Variants in TECRL observed in about 807,000 individuals in gnomAD.
TECRL encodes trans-2,3-enoyl-CoA reductase like.
A neutral mutation model predicts 52.8 loss-of-function variants in TECRL; 63 were observed. The ratio of observed to expected loss-of-function variants is 1.19; its 90% CI spans 0.97 to 1.47. The LOEUF is 1.47. Ranked by LOEUF, TECRL falls within the 40% of genes most tolerant of loss-of-function variation. The pLI, the probability that TECRL is intolerant of heterozygous loss-of-function variation, is 0.00. For missense variants in TECRL, 482 were observed against 429.6 expected, an observed-to-expected ratio of 1.12 and a Z score of -1.08; for synonymous variants, 164 against 141.9, an observed-to-expected ratio of 1.16 and a Z score of -1.10.
intron 2 of TECRL, among the ~76,000 whole-genome samples, chr4:64,355,949 T>G (rs1219566804): frequency 6.6e-6 from 1 of 152,104 alleles, no homozygotes; most frequent in Non-Finnish European, 1.5e-5. Context: ...GAAATTCCAT[T>G]TTGACCTGTA....
intron 8 of TECRL, among the ~76,000 whole-genome samples, chr4:64,295,755 CT>C (rs1200228294): frequency 1.3e-5 from 2 of 151,742 alleles, no homozygotes; most frequent in Non-Finnish European, 2.9e-5. Flanking sequence ...TAAATCATTA[CT>C]CTTATATTTC....
intron 2 of TECRL, among the ~76,000 whole-genome samples, chr4:64,360,030 T>C (rs1721061822): frequency 6.6e-6 from 1 of 152,182 alleles, no homozygotes; most frequent in South Asian, 2.1e-4. Flanking sequence ...AAAATTGTAT[T>C]CTTCTATATA....
chr4:64,312,003 A>G (rs928459026), intron 5 of TECRL, among the ~76,000 whole-genome samples: 1 of 152,222 alleles, frequency 6.6e-6, no homozygotes, highest in Non-Finnish European at 1.5e-5. Context: ...ATGTTCAGGT[A>G]ACAGGTTCAT....
chr4:64,300,109 A>AG, intron 7 of TECRL, 92 bp from the exon 8 acceptor site: 3 of 905,196 alleles, frequency 3.3e-6, no homozygotes, highest in Non-Finnish European at 4.9e-6. Flanking sequence ...TATTGGGTAT[A>AG]AATTCTATAA....
intron 9 of TECRL, among the ~76,000 whole-genome samples, chr4:64,286,038 C>A (rs899719663): frequency 6.6e-6 from 1 of 152,074 alleles, no homozygotes; most frequent in African/African-American, 2.4e-5. Flanking sequence ...TCAATTCACA[C>A]ATTTAATAAT....
At chr4:64,296,396 A>T (rs985514580) in intron 8 of TECRL, among the ~76,000 whole-genome samples, 9 of 151,812 alleles carry the variant, frequency 5.9e-5, no homozygotes, top group African/African-American at 2.2e-4. Context: ...CTCCAAGACC[A>T]TTTGCATTTT....
At chr4:64,381,919 A>G (rs897882545) in intron 1 of TECRL, among the ~76,000 whole-genome samples, 2 of 151,762 alleles carry the variant, frequency 1.3e-5, no homozygotes, top group South Asian at 2.1e-4. Flanking sequence ...ATGTGTGATC[A>G]TATGGTTTGG....
rs372168755 is a variant in TECRL at position 64,345,252 on chromosome 4, G to A, written c.287-16696C>T. ...TGCTGCTATAAAGACACATGCACAC[G>A]TGTGTTTATTGCGGCACTATTCACA... On this transcript the variant is annotated intron_variant, in intron 2 of 11. Transcript: ENST00000381210. 3.9e-5 allele frequency among the ~76,000 whole-genome samples: 6 copies of A among 152,060 alleles called. No homozygotes were observed. In the South Asian group the frequency reaches 6.2e-4, roughly 16 times the overall value.
chr4:64,298,512 A>G (rs1164788431), intron 8 of TECRL, among the ~76,000 whole-genome samples: 1 of 151,284 alleles, frequency 6.6e-6, no homozygotes, highest in Admixed American at 6.6e-5. Context: ...ACATATTTAT[A>G]GTAACATAAC....
rs1179193371 is a variant in TECRL, at chr4:64,302,335, CA to C, written c.731-2319del. Among the ~76,000 whole-genome samples the C allele has an allele frequency of 2.6e-5, 4 of 151,334 alleles. No homozygotes were observed. The East Asian group carries it at 7.7e-4, about 29-fold the overall frequency. On this transcript the variant is annotated intron_variant, in intron 7 of 11. Coordinates refer to ENST00000381210, the MANE Select transcript of TECRL (RefSeq NM_001010874.5). ...GGTGAAAATTGTGATAAAAGTCAAACACTGTTACCACAGAGAATTCTGAAAG... is the reference window on the plus strand; with the variant it reads ...GGTGAAAATTGTGATAAAAGTCAAACCTGTTACCACAGAGAATTCTGAAAG...
rs551397458 is a variant in TECRL at position 64,338,405 on chromosome 4, T to A, written c.287-9849A>T. ...TTCATCTCTAAAACACCAAAAGCAATGGCAACAAAAGCCAAAATTGACAAA... is the reference window on the plus strand; with the variant it reads ...TTCATCTCTAAAACACCAAAAGCAAAGGCAACAAAAGCCAAAATTGACAAA... On this transcript the variant is annotated intron_variant, in intron 2 of 11. Coordinates refer to ENST00000381210, the MANE Select transcript of TECRL (RefSeq NM_001010874.5). Among the ~76,000 whole-genome samples the A allele has an allele frequency of 4.6e-5, 7 of 152,214 alleles. No homozygotes were observed. The East Asian group carries it at 1.4e-3, about 29-fold the overall frequency.
chr4:64,315,141 C>A (rs1045606142), intron 4 of TECRL, among the ~76,000 whole-genome samples: 2 of 151,968 alleles, frequency 1.3e-5, no homozygotes, highest in Non-Finnish European at 2.9e-5. Context: ...GCTAGAGTAT[C>A]TTTTTTCTTT....
chr4:64,318,734 C>A (rs1717682601), intron 4 of TECRL, among the ~76,000 whole-genome samples: 1 of 151,668 alleles, frequency 6.6e-6, no homozygotes, highest in East Asian at 1.9e-4. Flanking sequence ...TATTCTTTAA[C>A]AATAAAAGTT....
intron 2 of TECRL, among the ~76,000 whole-genome samples, chr4:64,355,782 G>A (rs1305118205): frequency 2.8e-5 from 3 of 108,670 alleles, no homozygotes; most frequent in African/African-American, 6.5e-5. Context: ...GCAACAGAGT[G>A]AGACTCTGTC....
intron 7 of TECRL, among the ~76,000 whole-genome samples, chr4:64,301,667 G>A (rs978105928): frequency 6.6e-6 from 1 of 151,156 alleles, no homozygotes. Flanking sequence ...TAATCTGGGA[G>A]GATCAGGGAG....
chr4:64,347,953 A>T (rs1482224576), intron 2 of TECRL, among the ~76,000 whole-genome samples: 1 of 152,226 alleles, frequency 6.6e-6, no homozygotes, highest in East Asian at 1.9e-4. Context: ...GAAGTTTCAA[A>T]CTTTCTCACA....
At chr4:64,331,584 C>T (rs1325807733) in intron 2 of TECRL, among the ~76,000 whole-genome samples, 1 of 151,898 alleles carries the variant, frequency 6.6e-6, no homozygotes, top group Non-Finnish European at 1.5e-5. Flanking sequence ...TAGAAAGTCA[C>T]CTAAATCACT....
At chr4:64,281,136 T>C (rs1379157973) in intron 10 of TECRL, 50 bp from the exon 11 acceptor site, 1 of 1,453,180 alleles carries the variant, frequency 6.9e-7, no homozygotes. Context: ...AATCTAGTAA[T>C]TTGTTCATTT....
chr4:64,408,024 C>A (rs1386212784), intron 1 of TECRL, among the ~76,000 whole-genome samples: 2 of 151,516 alleles, frequency 1.3e-5, no homozygotes, highest in Admixed American at 1.3e-4. Context: ...GGTTTTAGAT[C>A]TTTTAGTTCA....
Sources: allele counts gnomAD v4.1 joint callset (sites outside exome capture counted in the v4.1 genomes callset), GRCh38; gene constraint gnomAD v4.1.1; transcripts MANE v1.5; gene names NCBI Gene and HGNC (gene_info 2026-07-23, HGNC 2026-07-21).